The following HSD17B12 variants were observed in gnomAD, a reference collection of about 807,000 sequenced individuals.
The protein encoded by HSD17B12 is very-long-chain 3-oxoacyl-CoA reductase.
Under a neutral mutation model 39.3 loss-of-function variants are expected in HSD17B12, and 32 were observed. That is an observed-to-expected ratio of 0.81 (90% CI 0.61 to 1.09). HSD17B12 has a LOEUF of 1.09. HSD17B12 is among the 50% of genes least tolerant of loss of function. The pLI, the probability that HSD17B12 is intolerant of heterozygous loss-of-function variation, is 0.00. For synonymous variants in HSD17B12, 150 were observed against 146.7 expected (o/e 1.02, Z -0.16); for missense variants, 342 against 382.9 (o/e 0.89, Z 0.89).
At chr11:43,619,230 T>TATATATATATAAAATATATATATATATG in the HSD17B12 span, among the ~76,000 whole-genome samples, 1 of 18,922 alleles carries the variant, frequency 5.3e-5, no homozygotes, top group Non-Finnish European at 1.2e-4. Context: ...ATATATATGA[T>TATATATATATAAAATATATATATATATG]ATATATATAT....
At chr11:43,666,498 C>A in the HSD17B12 span, among the ~76,000 whole-genome samples, 1 of 152,172 alleles carries the variant, frequency 6.6e-6, no homozygotes, top group Non-Finnish European at 1.5e-5. Context: ...CACCACCACA[C>A]CTGGCCATTT....
the HSD17B12 span, among the ~76,000 whole-genome samples, chr11:43,616,418 CAAAAAACAAAAAAA>C: frequency 1.7e-5 from 1 of 58,400 alleles, no homozygotes; most frequent in African/African-American, 5.6e-5. Context: ...AAAAAAAAAA[CAAAAAACAAAAAAA>C]AAACAAACAA....
the HSD17B12 span, among the ~76,000 whole-genome samples, chr11:43,566,178 G>A: frequency 6.6e-6 from 1 of 151,836 alleles, no homozygotes; most frequent in Admixed American, 6.5e-5. Flanking sequence ...AGCATTGAGT[G>A]GGATGATGTA....
At chr11:43,688,497 T>C (rs773285751) in intron 1 of HSD17B12, among the ~76,000 whole-genome samples, 1 of 152,244 alleles carries the variant, frequency 6.6e-6, no homozygotes, top group Non-Finnish European at 1.5e-5. Flanking sequence ...CGCTTTGTTT[T>C]ATTTGTCGAT....
At chr11:43,659,492 G>A in the HSD17B12 span, among the ~76,000 whole-genome samples, 8 of 152,132 alleles carry the variant, frequency 5.3e-5, no homozygotes, top group Non-Finnish European at 1.2e-4. Context: ...GCTCACGCTG[G>A]GAGCTGTAGA....
intron 1 of HSD17B12, among the ~76,000 whole-genome samples, chr11:43,705,537 G>C (rs1950004655): frequency 1.3e-5 from 2 of 152,000 alleles, no homozygotes; most frequent in African/African-American, 2.4e-5. Flanking sequence ...ATCTATATGT[G>C]GATACGTTAC....
rs114569703 is a variant in HSD17B12 at position 43,848,136 on chromosome 11, T to C, written c.685-6579T>C. On this transcript the variant is annotated intron_variant, in intron 9 of 10. Transcript: ENST00000278353. Reference sequence around the variant, plus strand: ...TAATAGAGTGTGTCTTTTGTGCATATGGAGTCTAAATAGGGAGAGTTATAA... The same window carrying C: ...TAATAGAGTGTGTCTTTTGTGCATACGGAGTCTAAATAGGGAGAGTTATAA... Among the ~76,000 whole-genome samples the C allele has an allele frequency of 6.6e-3, 1,005 of 152,252 alleles. 18 individuals are homozygous for C. The highest frequency in any genetic ancestry group is 0.023 in the African/African-American group (942 of 41,542).
At chr11:43,607,006 G>A in the HSD17B12 span, among the ~76,000 whole-genome samples, 4 of 152,176 alleles carry the variant, frequency 2.6e-5, no homozygotes, top group Non-Finnish European at 5.9e-5. Context: ...AATCCCAGTA[G>A]TCCCTACTTC....
chr11:43,734,100 G>A, intron 1 of HSD17B12: 5 of 1,141,242 alleles, frequency 4.4e-6, no homozygotes. Flanking sequence ...GGACTATGAT[G>A]AGCGTGTGCT....
chr11:43,618,274 C>T, the HSD17B12 span, among the ~76,000 whole-genome samples: 1 of 152,124 alleles, frequency 6.6e-6, no homozygotes, highest in Non-Finnish European at 1.5e-5. Context: ...TTATGTTTTA[C>T]TCATGAAAGA....
the HSD17B12 span, among the ~76,000 whole-genome samples, chr11:43,564,047 A>G: frequency 1.3e-5 from 2 of 151,708 alleles, no homozygotes; most frequent in Non-Finnish European, 2.9e-5. Flanking sequence ...ATTTTTTGCT[A>G]TGTTGTCCAG....
intron 1 of HSD17B12, among the ~76,000 whole-genome samples, chr11:43,715,346 T>G (rs1160102892): frequency 6.6e-6 from 1 of 152,172 alleles, no homozygotes; most frequent in Non-Finnish European, 1.5e-5. Context: ...GGCTGTTGAA[T>G]TTTGTCAAAT....
the HSD17B12 span, among the ~76,000 whole-genome samples, chr11:43,584,885 TCATAGGACTG>T: frequency 4.6e-5 from 7 of 152,178 alleles, no homozygotes; most frequent in Non-Finnish European, 7.4e-5. Context: ...GCATAGGACT[TCATAGGACTG>T]CATAGGACTT....
chr11:43,584,005 G>A, the HSD17B12 span, among the ~76,000 whole-genome samples: 4 of 152,278 alleles, frequency 2.6e-5, no homozygotes, highest in Middle Eastern at 3.4e-3. Context: ...AGGGGCCACA[G>A]AGTCCCCTCA....
chr11:43,581,985 T>C, the HSD17B12 span, among the ~76,000 whole-genome samples: 6 of 152,168 alleles, frequency 3.9e-5, no homozygotes, highest in Non-Finnish European at 5.9e-5. The surrounding 1 kb of genome is among the most constrained non-coding windows in gnomAD (Gnocchi z 4.9). Context: ...TAGTATCTTA[T>C]GTCCTGGTGC....
the HSD17B12 span, among the ~76,000 whole-genome samples, chr11:43,601,484 G>A: frequency 6.9e-6 from 1 of 145,198 alleles, no homozygotes. Context: ...TTTCCTTGGG[G>A]TCTACAGTTA....
chr11:43,768,086 C>T (rs910112403), intron 3 of HSD17B12, among the ~76,000 whole-genome samples: 3 of 152,180 alleles, frequency 2.0e-5, no homozygotes, highest in Admixed American at 6.5e-5. Flanking sequence ...GCACAACTAA[C>T]TGAGTTCTAA....
chr11:43,595,118 G>A, the HSD17B12 span, among the ~76,000 whole-genome samples: 8 of 152,162 alleles, frequency 5.3e-5, no homozygotes, highest in Non-Finnish European at 8.8e-5. Context: ...TAGCAGCACC[G>A]AAGCCCCTGT....
chr11:43,818,113 A>G (rs1951147367), intron 6 of HSD17B12, among the ~76,000 whole-genome samples: 1 of 152,172 alleles, frequency 6.6e-6, no homozygotes, highest in East Asian at 1.9e-4. Context: ...ACAAAAACTT[A>G]GGCTGGAGAC....
Sources: gnomAD v4.1 joint callset for allele counts (sites outside exome capture counted in the v4.1 genomes callset) on GRCh38, gnomAD v4.1.1 for gene constraint, Gnocchi (gnomAD v3.1) non-coding constraint, MANE v1.5 for transcripts, NCBI Gene and HGNC (gene_info 2026-07-23, HGNC 2026-07-21) for gene names.